MPPED2: variants seen among roughly 807,000 people sequenced by gnomAD.
The protein encoded by MPPED2 is metallophosphoesterase domain containing 2.
A neutral mutation model predicts 33.0 loss-of-function variants in MPPED2; 5 were observed. That is an observed-to-expected ratio of 0.15 (90% CI 0.08 to 0.32). The LOEUF (loss-of-function observed/expected upper bound fraction) is 0.32, where lower values mean the gene tolerates loss of function less well. MPPED2 is among the 10% of genes least tolerant of loss of function. The pLI, the probability that MPPED2 is intolerant of heterozygous loss-of-function variation, is 1.00. For missense variants in MPPED2, 275 were observed against 372.1 expected (o/e 0.74, Z 2.15); for synonymous variants, 136 against 141.9 (o/e 0.96, Z 0.29).
At chr11:30,385,667 C>G (rs1258237104) in exon 7 of MPPED2, 4 of 151,594 alleles carry the variant, frequency 2.6e-5, no homozygotes, top group African/African-American at 9.7e-5. Context: ...CATCCCCTAT[C>G]TTTCTCCTTA....
At chr11:30,490,666 C>T (rs773286482) in intron 4 of MPPED2, among the ~76,000 whole-genome samples, 4 of 152,012 alleles carry the variant, frequency 2.6e-5, no homozygotes, top group African/African-American at 7.2e-5. Context: ...CAGAACATTA[C>T]GGTTGCAAAC....
intron 4 of MPPED2, among the ~76,000 whole-genome samples, chr11:30,422,573 T>A (rs1218895050): frequency 6.6e-6 from 1 of 151,896 alleles, no homozygotes; most frequent in Non-Finnish European, 1.5e-5. Context: ...CCATCAGGGG[T>A]TCACTGGAAA....
chr11:30,410,212 A>C (rs1948052928), downstream of MPPED2: 1 of 985,698 alleles, frequency 1.0e-6, no homozygotes, highest in African/African-American at 1.7e-5. Context: ...CCAACCCTCT[A>C]AACAGCACGA....
intron 2 of MPPED2, among the ~76,000 whole-genome samples, chr11:30,541,315 C>T (rs1565167251): frequency 6.6e-6 from 1 of 152,078 alleles, no homozygotes; most frequent in Non-Finnish European, 1.5e-5. Flanking sequence ...ATTCTGATTC[C>T]TCTTCCGGCC....
intron 3 of MPPED2, among the ~76,000 whole-genome samples, chr11:30,535,544 A>G (rs1954764334): frequency 6.6e-6 from 1 of 152,200 alleles, no homozygotes; most frequent in Admixed American, 6.5e-5. Flanking sequence ...GCACTGTGCT[A>G]TAGGAATTTT....
At chr11:30,489,749 A>T (rs1368886454) in intron 4 of MPPED2, among the ~76,000 whole-genome samples, 1 of 152,068 alleles carries the variant, frequency 6.6e-6, no homozygotes, top group Non-Finnish European at 1.5e-5. Context: ...GGAAAGCCCC[A>T]CTCATATTCA....
At position 30,495,349 on chromosome 11, in the gene MPPED2, G is replaced by A. The variant is rs1474386847; in HGVS notation, c.483C>T (p.Tyr161=). ...TCACTGTTACCTCCGAATCTTGTAA[G>A]TAAATACTGTTTGTCAGGAGGGACT... The part of the protein sequence containing the change: ...NVQSLLTNSI[Y]LQDSEVTVKG... The change falls in exon 4 of 7, where the codon TAC becomes TAT. Residue 161 remains tyrosine, a synonymous_variant. Coordinates refer to ENST00000358117, the MANE Select transcript of MPPED2 (RefSeq NM_001584.3). 1.9e-6 allele frequency: 3 copies of A among 1,614,134 alleles called. No individual in the cohort carries two copies. The highest frequency in any genetic ancestry group is 2.2e-5 in the South Asian group (2 of 91,082).
At chr11:30,441,854 G>C (rs987070907) in intron 4 of MPPED2, among the ~76,000 whole-genome samples, 2 of 152,058 alleles carry the variant, frequency 1.3e-5, no homozygotes, top group African/African-American at 2.4e-5. Context: ...TCTTATTCCT[G>C]ATTTATCCCT....
At chr11:30,544,622 G>A (rs939590732) in intron 2 of MPPED2, among the ~76,000 whole-genome samples, 3 of 152,200 alleles carry the variant, frequency 2.0e-5, no homozygotes, top group African/African-American at 4.8e-5. Flanking sequence ...GACTGTGCTA[G>A]TTGCTGGAGA....
At chr11:30,396,361 C>A (rs588350) in intron 6 of MPPED2, among the ~76,000 whole-genome samples, 52,715 of 151,996 alleles carry the variant, frequency 0.35, 9,441 homozygotes, top group Non-Finnish European at 0.38. Context: ...CCTGTATATA[C>A]CTGCAGTTTT....
chr11:30,457,741 C>A (rs1405706483), intron 4 of MPPED2, among the ~76,000 whole-genome samples: 2 of 152,140 alleles, frequency 1.3e-5, no homozygotes. Flanking sequence ...CATGCCCTTT[C>A]AAGTACACTG....
intron 3 of MPPED2, among the ~76,000 whole-genome samples, chr11:30,512,580 C>T (rs903049370): frequency 6.6e-6 from 1 of 152,118 alleles, no homozygotes; most frequent in Admixed American, 6.5e-5. Context: ...CCCTCAGGGC[C>T]CTTGGAAAAA....
At chr11:30,480,576 A>G (rs953780224) in intron 4 of MPPED2, among the ~76,000 whole-genome samples, 2 of 152,110 alleles carry the variant, frequency 1.3e-5, no homozygotes, top group Admixed American at 6.6e-5. Flanking sequence ...ACAGGACTAA[A>G]TTTATCACTG....
chr11:30,483,681 T>C (rs1398961621), intron 4 of MPPED2, among the ~76,000 whole-genome samples: 1 of 152,158 alleles, frequency 6.6e-6, no homozygotes, highest in African/African-American at 2.4e-5. Context: ...GATTTAAGAG[T>C]TGAACTTTTA....
exon 7 of MPPED2, chr11:30,386,905 G>A (rs903132689): frequency 2.5e-6 from 1 of 396,524 alleles, no homozygotes; most frequent in East Asian, 3.6e-5. Flanking sequence ...TCTGCCAAAT[G>A]TTGGGCATTG....
chr11:30,435,501 C>A (rs1949284162), intron 4 of MPPED2, among the ~76,000 whole-genome samples: 1 of 152,210 alleles, frequency 6.6e-6, no homozygotes, highest in Admixed American at 6.5e-5. Context: ...AATACACACA[C>A]AAAATCTATG....
chr11:30,452,421 C>T (rs1950101826), intron 4 of MPPED2, among the ~76,000 whole-genome samples: 1 of 152,234 alleles, frequency 6.6e-6, no homozygotes, highest in Non-Finnish European at 1.5e-5. Flanking sequence ...AGCACTCTGA[C>T]TTTCCTTCAG....
At chr11:30,535,244 T>C (rs1414330746) in intron 3 of MPPED2, among the ~76,000 whole-genome samples, 1 of 152,204 alleles carries the variant, frequency 6.6e-6, no homozygotes, top group Non-Finnish European at 1.5e-5. Context: ...TTGACAATGT[T>C]ACGCTCCCAG....
At chr11:30,432,445 T>C (rs1040558346) in intron 4 of MPPED2, among the ~76,000 whole-genome samples, 1 of 134,270 alleles carries the variant, frequency 7.4e-6, no homozygotes, top group Admixed American at 6.9e-5. Context: ...AGTTTACTTC[T>C]TTATAGCTTT....
Sources: allele counts gnomAD v4.1 joint callset (sites outside exome capture counted in the v4.1 genomes callset), GRCh38; gene constraint gnomAD v4.1.1; transcripts MANE v1.5; gene names NCBI Gene and HGNC (gene_info 2026-07-23, HGNC 2026-07-21).